The following HSD17B3 variants were observed in gnomAD, a reference collection of about 807,000 sequenced individuals.
HSD17B3 encodes 17-beta-hydroxysteroid dehydrogenase type 3.
A neutral mutation model predicts 41.1 loss-of-function variants in HSD17B3; 29 were observed. The ratio of observed to expected loss-of-function variants is 0.71; its 90% CI spans 0.53 to 0.96. The LOEUF (loss-of-function observed/expected upper bound fraction) is 0.96. HSD17B3 is among the 40% of genes least tolerant of loss of function. The pLI is 0.00. For missense variants in HSD17B3, 323 were observed against 374.6 expected (o/e 0.86, Z 1.14); for synonymous variants, 126 against 145.6 (o/e 0.87, Z 0.97).
intron 2 of HSD17B3, among the ~76,000 whole-genome samples, chr9:96,264,333 G>A (rs1302195704): frequency 1.3e-5 from 2 of 152,018 alleles, no homozygotes; most frequent in East Asian, 3.9e-4. Flanking sequence ...AATAGAAATG[G>A]GGGGTGGGAA....
intron 2 of HSD17B3, among the ~76,000 whole-genome samples, chr9:96,258,826 A>G (rs902154827): frequency 6.6e-6 from 1 of 152,116 alleles, no homozygotes; most frequent in Non-Finnish European, 1.5e-5. Flanking sequence ...AATCCTGGAC[A>G]TTTCTTGTTA....
At chr9:96,272,429 AT>A (rs1564048488) in intron 2 of HSD17B3, among the ~76,000 whole-genome samples, 12 of 69,506 alleles carry the variant, frequency 1.7e-4, no homozygotes, top group South Asian at 8.9e-4. Context: ...ATATATATAT[AT>A]ATATATATAT....
At chr9:96,269,429 T>C (rs533505903) in intron 2 of HSD17B3, among the ~76,000 whole-genome samples, 7 of 152,188 alleles carry the variant, frequency 4.6e-5, no homozygotes, top group Admixed American at 3.3e-4. Context: ...TCAGCAAAAA[T>C]AGTAACAACA....
At chr9:96,283,389 C>T (rs575597469) in intron 2 of HSD17B3, among the ~76,000 whole-genome samples, 1 of 152,224 alleles carries the variant, frequency 6.6e-6, no homozygotes, top group Admixed American at 6.5e-5. Flanking sequence ...AAAATCTTAC[C>T]TTATGGTCAA....
intron 9 of HSD17B3, among the ~76,000 whole-genome samples, chr9:96,243,321 A>T (rs534858475): frequency 2.0e-5 from 3 of 152,190 alleles, no homozygotes; most frequent in South Asian, 4.1e-4. Context: ...CGGCTTCTGC[A>T]TGGCAGAGAA....
Position 96,246,567 on chromosome 9 carries a change from A to G in HSD17B3, c.513T>C (p.His171=). 1.9e-6 allele frequency: 3 copies of G among 1,614,068 alleles called. No individual in the cohort carries two copies. Among genetic ancestry groups the G allele is most frequent in the Non-Finnish European group, 2.5e-6 (3 of 1,180,008 alleles). ...GAAGAAGGCCTTACCTTGATTCCAT[A>G]TGTTTCAGAATTAGCTGTGTCATCT... ...VVKMTQLILK[H]MESRQKGLIL... The change falls in exon 7 of 11, where the codon CAT becomes CAC. Residue 171 remains histidine (H), a synonymous_variant. Transcript: ENST00000375263.
chr9:96,244,162 C>T (rs1836561795), intron 9 of HSD17B3, 167 bp downstream of exon 9: 7 of 753,160 alleles, frequency 9.3e-6, no homozygotes, highest in Admixed American at 7.7e-5. Context: ...GCCCCAAAAG[C>T]CCACGTGGCA....
intron 2 of HSD17B3, among the ~76,000 whole-genome samples, chr9:96,262,287 A>G (rs1300505464): frequency 8.8e-6 from 1 of 114,268 alleles, no homozygotes; most frequent in Non-Finnish European, 1.6e-5. Flanking sequence ...TGTGTCGCCC[A>G]GGCTAGAGTG....
chr9:96,244,370 C>T lies in HSD17B3; in HGVS notation c.631G>A (p.Ala211Thr). ...TTTGCTTTATATTCCTCTTGCAGGG[C>T]CTTGGAAAATGCGCACACAAACGCC... ...SKAFVCAFSKALQEEYKAKEV... is the reference protein window; with the variant it reads ...SKAFVCAFSKTLQEEYKAKEV... Residue 211 changes from alanine to threonine, a missense_variant, in exon 9 of 11, where the codon GCC becomes ACC. By Grantham distance (58) the Ala-to-Thr change is moderately conservative. Transcript: ENST00000375263. The T allele has an allele frequency of 6.2e-7, 1 of 1,614,162 alleles. No homozygotes were observed. Among genetic ancestry groups the T allele is most frequent in the Non-Finnish European group, 8.5e-7 (1 of 1,180,034 alleles).
intron 2 of HSD17B3, among the ~76,000 whole-genome samples, chr9:96,266,302 T>C (rs1230126554): frequency 1.3e-5 from 2 of 152,186 alleles, no homozygotes; most frequent in Non-Finnish European, 2.9e-5. Flanking sequence ...GGAGACAGTC[T>C]CACTCTGTTA....
At chr9:96,286,877 ATAACCAT>A (rs1042825848) in intron 2 of HSD17B3, among the ~76,000 whole-genome samples, 3 of 152,204 alleles carry the variant, frequency 2.0e-5, no homozygotes, top group Non-Finnish European at 2.9e-5. Flanking sequence ...TCATCAAGAA[ATAACCAT>A]AAAAGTGGGC....
chr9:96,241,656 C>T lies in HSD17B3; in HGVS notation c.673-749G>A, dbSNP rs139841314. Among the ~76,000 whole-genome samples the T allele has an allele frequency of 3.6e-3, 541 of 152,228 alleles. 3 individuals carry two copies. Among genetic ancestry groups the T allele is most frequent in the Non-Finnish European group, 5.3e-3 (363 of 67,998 alleles). On this transcript the variant is annotated intron_variant, in intron 9 of 10. Coordinates refer to ENST00000375263, the MANE Select transcript of HSD17B3 (RefSeq NM_000197.2). ...TTGGCATCTTTAGAAAGAAAAAAGGCTGGCATGGTGACTCATGCCTGTAAT... is the reference window on the plus strand; with the variant it reads ...TTGGCATCTTTAGAAAGAAAAAAGGTTGGCATGGTGACTCATGCCTGTAAT...
chr9:96,252,643 T>A (rs1825467535), intron 4 of HSD17B3, among the ~76,000 whole-genome samples, 160 bp downstream of exon 4: 1 of 152,068 alleles, frequency 6.6e-6, no homozygotes, highest in Non-Finnish European at 1.5e-5. Flanking sequence ...CAGTAATGCC[T>A]CTAGAAGAAG....
Position 96,276,738 on chromosome 9 carries a change from G to A in HSD17B3, c.201+21678C>T, listed in dbSNP as rs546499217. ...ATGAAAGTGGAACTTATCTCACACC[G>A]TATACACAAATCCACCCCAAAGGGA... On this transcript the variant is annotated intron_variant, in intron 2 of 10. Coordinates refer to ENST00000375263, the MANE Select transcript of HSD17B3 (RefSeq NM_000197.2). Among the ~76,000 whole-genome samples the A allele has an allele frequency of 1.6e-4, 24 of 152,188 alleles. No individual in the cohort carries two copies. The South Asian group carries it at 3.3e-3, about 21-fold the overall frequency.
At position 96,301,883 on chromosome 9, in the gene HSD17B3, A is replaced by AAAT. The variant is rs1033054801; in HGVS notation, c.154+65_154+67dup. 2.6e-6 allele frequency: 4 copies of AAAT among 1,546,758 alleles called. No individual in the cohort carries two copies. The East Asian group carries it at 9.0e-5, about 35-fold the overall frequency. On this transcript the variant is annotated intron_variant, in intron 1 of 10. Coordinates refer to ENST00000375263, the MANE Select transcript of HSD17B3 (RefSeq NM_000197.2). ...GTGACAGAGCAAGTGTCTGTCTCAAAAATAATAATAATAGTAACAAGCAGG... is the reference window on the plus strand; with the variant it reads ...GTGACAGAGCAAGTGTCTGTCTCAAAAATAATAATAATAATAGTAACAAGCAGG...
intron 2 of HSD17B3, chr9:96,256,298 T>A (rs1346767668): frequency 6.6e-6 from 1 of 152,138 alleles, no homozygotes; most frequent in Non-Finnish European, 1.5e-5. Context: ...AATTTTAGTA[T>A]ATGTGTTGCA....
intron 2 of HSD17B3, among the ~76,000 whole-genome samples, chr9:96,265,252 C>T (rs991723578): frequency 1.3e-5 from 2 of 152,186 alleles, no homozygotes; most frequent in Admixed American, 6.5e-5. Flanking sequence ...CACTGGGTAC[C>T]TAACTCAGCA....
chr9:96,262,090 C>T lies in HSD17B3; in HGVS notation c.202-7147G>A, dbSNP rs117861657. ...AGAACCACTATGAAGTTTAAAGAGA[C>T]ACTTAGAAACAGAATGGTCATGAAC... is the stretch of plus-strand genomic sequence containing the variant. On this transcript the variant is annotated intron_variant, in intron 2 of 10. Coordinates refer to ENST00000375263, the MANE Select transcript of HSD17B3 (RefSeq NM_000197.2). Among the ~76,000 whole-genome samples the T allele has an allele frequency of 9.4e-3, 1,425 of 152,238 alleles. 16 individuals carry two copies. Among genetic ancestry groups the T allele is most frequent in the Non-Finnish European group, 0.016 (1,082 of 68,016 alleles).
At chr9:96,272,409 A>C (rs376797482) in intron 2 of HSD17B3, among the ~76,000 whole-genome samples, 3,543 of 8,196 alleles carry the variant, frequency 0.43, 341 homozygotes, top group Middle Eastern at 0.58. Context: ...CTCTCTCTAT[A>C]TATATATATA....
Sources: gnomAD v4.1 joint callset for allele counts (sites outside exome capture counted in the v4.1 genomes callset) on GRCh38, gnomAD v4.1.1 for gene constraint, MANE v1.5 for transcripts, NCBI Gene and HGNC (gene_info 2026-07-23, HGNC 2026-07-21) for gene names.